The following PSD3 variants were observed in gnomAD, a reference collection of about 807,000 sequenced individuals.
PSD3 encodes the protein pleckstrin and Sec7 domain containing 3.
Under a neutral mutation model 105.5 loss-of-function variants are expected in PSD3, and 49 were observed. That is an observed-to-expected ratio of 0.46 (90% confidence interval 0.37 to 0.59). The LOEUF (loss-of-function observed/expected upper bound fraction) is 0.59, where lower values mean the gene tolerates loss of function less well. Ranked by LOEUF, PSD3 falls within the 20% of genes least tolerant of loss-of-function variation. The probability of loss-of-function intolerance (pLI) is 0.00; values close to 1 mark genes in which losing one functional copy is unlikely to be tolerated. For synonymous variants in PSD3, 557 were observed against 457.8 expected (o/e 1.22, Z -2.77); for missense variants, 1,561 against 1,263.8 (o/e 1.24, Z -3.57).
At chr8:18,817,350 T>G (rs185660623) in intron 4 of PSD3, among the ~76,000 whole-genome samples, 17 of 152,180 alleles carry the variant, frequency 1.1e-4, no homozygotes, top group Non-Finnish European at 2.1e-4. Flanking sequence ...CATCACATCA[T>G]CTAAGGGTCC....
intron 1 of PSD3, among the ~76,000 whole-genome samples, chr8:18,983,682 C>A (rs1291253798): frequency 1.3e-5 from 2 of 151,994 alleles, no homozygotes; most frequent in African/African-American, 4.8e-5. Context: ...TTCTTGGTGT[C>A]CCAAAGCAAT....
At chr8:18,793,375 A>G (rs1432445093) in intron 8 of PSD3, among the ~76,000 whole-genome samples, 3 of 151,022 alleles carry the variant, frequency 2.0e-5, no homozygotes, top group Non-Finnish European at 4.4e-5. Flanking sequence ...CAAAATAGAA[A>G]AAAAAAACAA....
At chr8:18,819,575 A>ATTTTTTTTTTTTTTTTTTTTTT (rs746931460) in intron 4 of PSD3, among the ~76,000 whole-genome samples, 1 of 111,320 alleles carries the variant, frequency 9.0e-6, no homozygotes, top group East Asian at 3.3e-4. Context: ...ATTAGAATGG[A>ATTTTTTTTTTTTTTTTTTTTTT]TTTTTTTTTT....
At chr8:18,870,555 G>A (rs1051877953) in intron 3 of PSD3, among the ~76,000 whole-genome samples, 3 of 152,038 alleles carry the variant, frequency 2.0e-5, no homozygotes, top group Non-Finnish European at 2.9e-5. Context: ...AGGGAGGGAT[G>A]GCATTAGGAG....
intron 1 of PSD3, among the ~76,000 whole-genome samples, chr8:19,069,625 G>A (rs946196323): frequency 3.9e-5 from 6 of 152,162 alleles, no homozygotes; most frequent in Non-Finnish European, 7.3e-5. Context: ...TAGTGAGAAC[G>A]TTTTCTACGA....
intron 15 of PSD3, among the ~76,000 whole-genome samples, chr8:18,541,383 A>C (rs1486930385): frequency 6.6e-6 from 1 of 152,186 alleles, no homozygotes; most frequent in African/African-American, 2.4e-5. Flanking sequence ...CAAATCCAGA[A>C]AAAGAAAAAT....
chr8:18,710,204 G>A (rs1465598110), intron 9 of PSD3, among the ~76,000 whole-genome samples: 2 of 152,124 alleles, frequency 1.3e-5, no homozygotes, highest in Non-Finnish European at 2.9e-5. Flanking sequence ...GCAACCATGA[G>A]TATCAATAGC....
intron 2 of PSD3, among the ~76,000 whole-genome samples, chr8:18,900,236 C>T (rs1164183647): frequency 2.0e-5 from 3 of 152,134 alleles, no homozygotes; most frequent in African/African-American, 7.2e-5. Context: ...AGTTGTCATA[C>T]ACTAACCTCA....
At chr8:18,954,854 A>C (rs1823464275) in intron 1 of PSD3, among the ~76,000 whole-genome samples, 1 of 152,138 alleles carries the variant, frequency 6.6e-6, no homozygotes. Context: ...GCTCTAATCC[A>C]AGGGAATTAC....
intron 10 of PSD3, among the ~76,000 whole-genome samples, chr8:18,638,453 A>G (rs28510823): frequency 0.075 from 11,485 of 152,178 alleles, 520 homozygotes; most frequent in East Asian, 0.19. Context: ...TAGATTAAAA[A>G]ACCAACACAC....
intron 1 of PSD3, among the ~76,000 whole-genome samples, chr8:18,964,393 G>C (rs1824116534): frequency 6.6e-6 from 1 of 152,072 alleles, no homozygotes; most frequent in African/African-American, 2.4e-5. Context: ...CAAAGTGCTG[G>C]GATTACAGGT....
At chr8:18,894,042 T>C (rs1057000357) in intron 2 of PSD3, among the ~76,000 whole-genome samples, 6 of 152,202 alleles carry the variant, frequency 3.9e-5, no homozygotes, top group Admixed American at 2.0e-4. Flanking sequence ...AGTCAGTCAA[T>C]ATATATAAAT....
intron 1 of PSD3, among the ~76,000 whole-genome samples, chr8:19,069,056 G>A (rs1157973374): frequency 3.9e-5 from 6 of 152,052 alleles, no homozygotes; most frequent in Non-Finnish European, 7.4e-5. Flanking sequence ...TCAAACTAAC[G>A]TCAAGCTCAC....
chr8:18,997,097 T>C (rs1381944945), intron 1 of PSD3, among the ~76,000 whole-genome samples: 3 of 152,000 alleles, frequency 2.0e-5, no homozygotes, highest in African/African-American at 7.2e-5. Flanking sequence ...CTCAACTTCT[T>C]TTCCTTTCTA....
intron 9 of PSD3, among the ~76,000 whole-genome samples, chr8:18,722,357 T>G (rs1235496612): frequency 6.6e-6 from 1 of 152,054 alleles, no homozygotes; most frequent in Non-Finnish European, 1.5e-5. Context: ...AATAAAAGAG[T>G]TAAATCAGAA....
At chr8:18,814,329 T>C (rs935405842) in intron 4 of PSD3, among the ~76,000 whole-genome samples, 2 of 152,180 alleles carry the variant, frequency 1.3e-5, no homozygotes, top group African/African-American at 4.8e-5. Flanking sequence ...GGCACCCACA[T>C]GCAAGGCAGT....
intron 2 of PSD3, among the ~76,000 whole-genome samples, chr8:18,918,915 T>C (rs1040703531): frequency 2.0e-5 from 3 of 152,060 alleles, no homozygotes; most frequent in African/African-American, 7.2e-5. Context: ...GACTATCTGG[T>C]CTTGCAATAT....
At chr8:18,888,536 T>G (rs1483479217) in intron 2 of PSD3, among the ~76,000 whole-genome samples, 1 of 151,760 alleles carries the variant, frequency 6.6e-6, no homozygotes. Flanking sequence ...AAATGAACTG[T>G]ACATAGAAAT....
chr8:18,715,972 A>G (rs1476814460), intron 9 of PSD3, among the ~76,000 whole-genome samples: 1 of 152,222 alleles, frequency 6.6e-6, no homozygotes, highest in African/African-American at 2.4e-5. Context: ...AGGAATAAGC[A>G]AATACATTGG....
Sources: gnomAD v4.1 joint callset for allele counts (sites outside exome capture counted in the v4.1 genomes callset) on GRCh38, gnomAD v4.1.1 for gene constraint, MANE v1.5 for transcripts, NCBI Gene and HGNC (gene_info 2026-07-23, HGNC 2026-07-21) for gene names.